The following TMEM8B variants were observed in gnomAD, a reference collection of about 807,000 sequenced individuals.
TMEM8B encodes the protein transmembrane protein 8B, also known as nasopharyngeal carcinoma expressed 6.
A neutral mutation model predicts 49.3 loss-of-function variants in TMEM8B; 29 were observed. That is an observed-to-expected ratio of 0.59 (90% confidence interval 0.44 to 0.80). The LOEUF (loss-of-function observed/expected upper bound fraction) is 0.80. TMEM8B is among the 30% of genes least tolerant of loss of function. TMEM8B has a pLI of 0.00. For synonymous variants in TMEM8B, 264 were observed against 272.8 expected (o/e 0.97, Z 0.32); for missense variants, 575 against 658.5 (o/e 0.87, Z 1.39).
intron 6 of TMEM8B, among the ~76,000 whole-genome samples, chr9:35,843,780 T>C (rs960214870): frequency 2.6e-5 from 4 of 152,224 alleles, no homozygotes; most frequent in African/African-American, 9.7e-5. Flanking sequence ...CCTTTTTTTT[T>C]GAGACGGAGT....
chr9:35,850,510 C>A (rs576846939), intron 10 of TMEM8B, among the ~76,000 whole-genome samples: 2 of 152,242 alleles, frequency 1.3e-5, no homozygotes, highest in Non-Finnish European at 2.9e-5. Context: ...TTTAACTCTA[C>A]CCCTGTGGAT....
Position 35,846,989 on chromosome 9 carries a change from C to G in TMEM8B, c.2169C>G (p.Phe723Leu), listed in dbSNP as rs749030796. 6.2e-7 allele frequency: 1 copy of G among 1,614,224 alleles called. No individual in the cohort carries two copies. The highest frequency in any genetic ancestry group is 8.5e-7 in the Non-Finnish European group (1 of 1,180,042). Residue 723 changes from phenylalanine (F) to leucine (L), a missense_variant, in exon 10 of 13, where the codon TTC (phenylalanine) becomes TTG (leucine). Physicochemically the swap from Phe to Leu is conservative, Grantham distance 22. Coordinates refer to ENST00000643932, the MANE Select transcript of TMEM8B (RefSeq NM_001042590.4). ...CAGTCTACACCTTCACCATGTTCTT[C>G]TCCACGGTATGCGGTGGTGTCTGCA... is the stretch of plus-strand genomic sequence containing the variant. The part of the protein sequence containing the change: ...EAAVYTFTMF[F>L]STFYHACDQP...
Position 35,846,334 on chromosome 9 carries a change from G to C in TMEM8B, c.1806G>C (p.Thr602=). 6.2e-7 allele frequency: 1 copy of C among 1,614,124 alleles called. No homozygotes were observed. The highest frequency in any genetic ancestry group is 8.5e-7 in the Non-Finnish European group (1 of 1,180,030). Residue 602 remains threonine (T), a synonymous_variant, in exon 8 of 13, where the codon ACG becomes ACC. Coordinates refer to ENST00000643932, the MANE Select transcript of TMEM8B (RefSeq NM_001042590.4). ...VARLRIPFPQ[T]GTWFLALRSL... ...GGCTGCGAATCCCATTCCCGCAGACGGGGACCTGGTTCCTGGCCCTCCGCT... is the reference window on the plus strand; with the variant it reads ...GGCTGCGAATCCCATTCCCGCAGACCGGGACCTGGTTCCTGGCCCTCCGCT...
rs1464113698 is a variant in TMEM8B, at chr9:35,861,945, A to G, written c.*8105A>G. 6.6e-6 allele frequency: 1 copy of G among 152,148 alleles called. No homozygotes were observed. The highest frequency in any genetic ancestry group is 1.9e-4 in the East Asian group (1 of 5,192). 9.4% of individuals were successfully genotyped at this position (152,148 alleles called of 1,614,324 possible). ...CTACCCTGAATCAGGGTGATTCTTA[A>G]AGGACAGTTTCAGGAACATATAGGG... On this transcript the variant is annotated 3_prime_UTR_variant, in exon 13 of 13. Coordinates refer to ENST00000643932, the MANE Select transcript of TMEM8B (RefSeq NM_001042590.4).
rs1588147597 is a variant in TMEM8B at position 35,841,853 on chromosome 9, G to A, written c.1309+59G>A. 1 of 414,830 alleles carries A rather than the reference G, an allele frequency of 2.4e-6. No individual in the cohort carries two copies. The highest frequency in any genetic ancestry group is 3.6e-5 in the East Asian group (1 of 28,062). The allele number at this position is 414,830 out of a possible 1,614,324, so 25.7% of individuals were successfully genotyped here. A position where few individuals can be genotyped will look rare whatever the true frequency, so the allele number is the denominator to read the frequency against. The stretch of plus-strand genomic sequence containing the variant: ...GACATCTGTGGTTGGGAAGTGACTT[G>A]GGTGGCTGTGTTCAGTGGCCCTCTG... On this transcript the variant is annotated intron_variant, in intron 5 of 12. Transcript: ENST00000643932. This position sits in a 1 kb window ranked among gnomAD's most constrained non-coding sequence, Gnocchi z 5.9.
intron 6 of TMEM8B, among the ~76,000 whole-genome samples, chr9:35,844,524 C>A (rs1831329960): frequency 1.3e-5 from 2 of 152,266 alleles, no homozygotes; most frequent in South Asian, 4.1e-4. Flanking sequence ...TTAGAACTTT[C>A]TAGTCGTCCT....
chr9:35,834,920 T>C, intron 2 of TMEM8B, 91 bp from the exon 3 acceptor site: 1 of 415,054 alleles, frequency 2.4e-6, no homozygotes, highest in Non-Finnish European at 4.4e-6. Context: ...GTTTTATCGG[T>C]GAAGAGTGAC....
chr9:35,846,573 C>T lies in TMEM8B; in HGVS notation c.1958C>T (p.Thr653Ile). 2 of 1,573,328 alleles carry T rather than the reference C, an allele frequency of 1.3e-6. No homozygotes were observed. Among genetic ancestry groups the T allele is most frequent in the South Asian group, 2.3e-5 (2 of 87,038 alleles). Residue 653 changes from threonine (T) to isoleucine (I), a missense_variant, in exon 9 of 13, where the codon ACA (threonine) becomes ATA (isoleucine). Coordinates refer to ENST00000643932, the MANE Select transcript of TMEM8B (RefSeq NM_001042590.4). ...GPYGQCKLLRTHNYLYAACEC... is the reference protein window; with the variant it reads ...GPYGQCKLLRIHNYLYAACEC... ...TACGGCCAGTGCAAGCTGCTGCGCACACACAATTATCTGTACGCAGCCTGC... is the reference window on the plus strand; with the variant it reads ...TACGGCCAGTGCAAGCTGCTGCGCATACACAATTATCTGTACGCAGCCTGC...
Position 35,853,286 on chromosome 9 carries a change from G to T in TMEM8B, c.2439+29G>T, listed in dbSNP as rs1293200878. 1 of 1,583,542 alleles carries T rather than the reference G, an allele frequency of 6.3e-7. No homozygotes were observed. Among genetic ancestry groups the T allele is most frequent in the Admixed American group, 1.7e-5 (1 of 59,926 alleles). ...AGGGTGGGGAGGGATGTGGGGGGAG[G>T]GTCCCAGCAGGACTTGGGTGCTGGG... On this transcript the variant is annotated intron_variant, in intron 12 of 12. Transcript: ENST00000643932. The surrounding 1 kb of genome is among the most constrained non-coding windows in gnomAD (Gnocchi z 4.2).
At position 35,854,852 on chromosome 9, in the gene TMEM8B, T is replaced by C. The variant is rs146519215; in HGVS notation, c.*1012T>C. On this transcript the variant is annotated 3_prime_UTR_variant, in exon 13 of 13. Coordinates refer to ENST00000643932, the MANE Select transcript of TMEM8B (RefSeq NM_001042590.4). ...AACTTCTGTTTTGAGCCCCCATTTT[T>C]CCTGAGTGCCAGAAAAGATCATTTG... 7 of 152,318 alleles carry C rather than the reference T, an allele frequency of 4.6e-5. No individual in the cohort carries two copies. The highest frequency in any genetic ancestry group is 1.0e-4 in the Non-Finnish European group (7 of 68,024). The allele number at this position is 152,318 out of a possible 1,614,324, so 9.4% of individuals were successfully genotyped here. A position where few individuals can be genotyped will look rare whatever the true frequency, so the allele number is the denominator to read the frequency against.
rs1168158182 is a variant in TMEM8B, at chr9:35,862,611, C to G, written c.*8771C>G. 7 of 152,398 alleles carry G rather than the reference C, an allele frequency of 4.6e-5. No homozygotes were observed. The highest frequency in any genetic ancestry group is 4.6e-4 in the Admixed American group (7 of 15,288). The allele number at this position is 152,398 out of a possible 1,614,324, so 9.4% of individuals were successfully genotyped here. A position where few individuals can be genotyped will look rare whatever the true frequency, so the allele number is the denominator to read the frequency against. On this transcript the variant is annotated 3_prime_UTR_variant, in exon 13 of 13. Transcript: ENST00000643932. ...CCTGCTGCAGCCTCATCAGACCACT[C>G]CCTGTCTTTTGGACAAAGCCTGTGT...
chr9:35,846,044 G>A lies in TMEM8B; in HGVS notation c.1705G>A (p.Asp569Asn), dbSNP rs769788367. 5 of 1,613,834 alleles carry A rather than the reference G, an allele frequency of 3.1e-6. No individual in the cohort carries two copies. In the African/African-American group the frequency reaches 5.3e-5, roughly 17 times the overall value. Residue 569 changes from aspartate to asparagine, a missense_variant, in exon 7 of 13, where the codon GAT (aspartate) becomes AAT (asparagine). Asp to Asn is a conservative substitution (Grantham distance 23). Coordinates refer to ENST00000643932, the MANE Select transcript of TMEM8B (RefSeq NM_001042590.4). ...TCACGAGGTGCCCTTGAGCCTGGGG[G>A]ATGCAGCAGTGACCTGTTCCAAAGG... is the stretch of plus-strand genomic sequence containing the variant. Reference protein sequence around the residue: ...LTHEVPLSLGDAAVTCSKESL... With the variant: ...LTHEVPLSLGNAAVTCSKESL...
chr9:35,852,605 G>GTCAGGT (rs1459139765), intron 10 of TMEM8B, among the ~76,000 whole-genome samples: 1 of 152,090 alleles, frequency 6.6e-6, no homozygotes, highest in Non-Finnish European at 1.5e-5. Flanking sequence ...CAGGGTCAGG[G>GTCAGGT]TCAGGGCTGC....
At position 35,841,615 on chromosome 9, in the gene TMEM8B, G is replaced by A. The variant is rs151064858; in HGVS notation, c.1130G>A (p.Arg377His). ...GTATCTGCCTGCCCCCTGTCACTGC[G>A]TCTGCGTCCCAAAGCCCCACCCCTG... is the stretch of plus-strand genomic sequence containing the variant. ...RGVSACPLSL[R>H]LRPKAPPLHN... is the part of the protein sequence containing the mutation. Residue 377 changes from arginine to histidine, a missense_variant, in exon 5 of 13, where the codon CGT becomes CAT. By Grantham distance (29) the Arg-to-His change is conservative. Transcript: ENST00000643932. The surrounding 1 kb of genome is among the most constrained non-coding windows in gnomAD (Gnocchi z 5.9). The A allele has an allele frequency of 9.1e-4, 377 of 416,300 alleles. No individual in the cohort carries two copies. Among genetic ancestry groups the A allele is most frequent in the Non-Finnish European group, 1.3e-3 (303 of 226,808 alleles). The allele number at this position is 416,300 out of a possible 1,614,324, so 25.8% of individuals were successfully genotyped here. A position where few individuals can be genotyped will look rare whatever the true frequency, so the allele number is the denominator to read the frequency against.
chr9:35,846,692 G>C (rs1178499969), intron 9 of TMEM8B, 81 bp downstream of exon 9: 4 of 1,547,276 alleles, frequency 2.6e-6, no homozygotes, highest in Non-Finnish European at 3.5e-6. Context: ...CGGGAGTAGG[G>C]GAGTGCGCAG....
rs1037865743 is a variant in TMEM8B, at chr9:35,856,235, C to G, written c.*2395C>G. ...TTCAGTCAGTAAAGCTCTTAGAACA[C>G]TTGTATAGTGCCTAGTCTGGTATGT... On this transcript the variant is annotated 3_prime_UTR_variant, in exon 13 of 13. Transcript: ENST00000643932. The G allele has an allele frequency of 5.3e-5, 8 of 152,230 alleles. No homozygotes were observed. The highest frequency in any genetic ancestry group is 1.9e-4 in the African/African-American group (8 of 41,438). 9.4% of individuals were successfully genotyped at this position (152,230 alleles called of 1,614,324 possible).
intron 10 of TMEM8B, among the ~76,000 whole-genome samples, chr9:35,852,441 A>G (rs573041740): frequency 9.1e-4 from 138 of 152,208 alleles, no homozygotes; most frequent in Admixed American, 1.8e-3. Flanking sequence ...GTTTCTGGGT[A>G]GCTTAGAGCT....
chr9:35,853,593 G>T lies in TMEM8B; in HGVS notation c.2528G>T (p.Gly843Val). ...TTGTGCCCTGGCAGCCTTATTGCAGGCAGTGCCGTCCTGCTTTATGCTTTT... is the reference window on the plus strand; with the variant it reads ...TTGTGCCCTGGCAGCCTTATTGCAGTCAGTGCCGTCCTGCTTTATGCTTTT... ...FYLCPGSLIA[G>V]SAVLLYAFVE... is the part of the protein sequence containing the mutation. The change falls in exon 13 of 13, where the codon GGC becomes GTC. Residue 843 changes from glycine (G) to valine (V), a missense_variant. Transcript: ENST00000643932. The surrounding 1 kb of genome is among the most constrained non-coding windows in gnomAD (Gnocchi z 4.2). The T allele has an allele frequency of 1.2e-6, 2 of 1,614,232 alleles. No individual in the cohort carries two copies. The highest frequency in any genetic ancestry group is 1.7e-6 in the Non-Finnish European group (2 of 1,180,038).
Position 35,845,301 on chromosome 9 carries a change from T to G in TMEM8B, c.1636-674T>G, listed in dbSNP as rs1019547867. 7.0e-6 allele frequency: 5 copies of G among 719,388 alleles called. No homozygotes were observed. In the African/African-American group the frequency reaches 9.7e-5, roughly 14 times the overall value. The allele number at this position is 719,388 out of a possible 1,614,324, so 44.6% of individuals were successfully genotyped here. A position where few individuals can be genotyped will look rare whatever the true frequency, so the allele number is the denominator to read the frequency against. ...ACCTTAGGGACAGACTTTATTTTCCTGTCCTGATTTTTAAGTTTCCCTCAG... is the reference window on the plus strand; with the variant it reads ...ACCTTAGGGACAGACTTTATTTTCCGGTCCTGATTTTTAAGTTTCCCTCAG... On this transcript the variant is annotated intron_variant, in intron 6 of 12. Transcript: ENST00000643932.
Sources: allele counts gnomAD v4.1 joint callset (sites outside exome capture counted in the v4.1 genomes callset), GRCh38; gene constraint gnomAD v4.1.1; non-coding constraint Gnocchi (gnomAD v3.1); transcripts MANE v1.5; gene names NCBI Gene and HGNC (gene_info 2026-07-23, HGNC 2026-07-21).